Variants in PDZD8 observed in about 807,000 individuals in gnomAD.
PDZD8 encodes the protein PDZ domain containing 8.
A neutral mutation model predicts 85.8 loss-of-function variants in PDZD8; 14 were observed. The observed-to-expected ratio is 0.16, with a 90% CI of 0.11 to 0.26. PDZD8 has a LOEUF of 0.26. Among genes scored for constraint, PDZD8 ranks in the 10% least tolerant of loss-of-function variants. The pLI, the probability that PDZD8 is intolerant of heterozygous loss-of-function variation, is 1.00. For missense variants in PDZD8, 1,197 were observed against 1,424.3 expected (o/e 0.84, Z 2.57); for synonymous variants, 592 against 568.6 (o/e 1.04, Z -0.59).
Position 117,290,362 on chromosome 10 carries a change from G to GA in PDZD8, c.1099-15dup, listed in dbSNP as rs749314479. On this transcript the variant is annotated splice_polypyrimidine_tract_variant and intron_variant, in intron 3 of 4. Transcript: ENST00000334464. ...TATTAATTCAACCTTTGATAAAGGG[G>GA]AAAAAAATGAAAACTGATTCAATGG... The GA allele has an allele frequency of 8.3e-6, 13 of 1,561,282 alleles. No homozygotes were observed. The Admixed American group carries it at 2.2e-4, about 27-fold the overall frequency.
chr10:117,358,445 T>C (rs1407956606), intron 1 of PDZD8, among the ~76,000 whole-genome samples: 1 of 152,060 alleles, frequency 6.6e-6, no homozygotes, highest in Non-Finnish European at 1.5e-5. Context: ...TATAGTCATC[T>C]TTCTTTCCCC....
intron 1 of PDZD8, among the ~76,000 whole-genome samples, chr10:117,358,124 TAA>T (rs1564711887): frequency 6.6e-6 from 1 of 152,116 alleles, no homozygotes. Context: ...AAAAGTCAAA[TAA>T]AAAAGTTCCC....
Position 117,284,804 on chromosome 10 carries a change from G to A in PDZD8, c.1929C>T (p.Asp643=), listed in dbSNP as rs114820968. 1.9e-3 allele frequency: 3,139 copies of A among 1,614,196 alleles called. 9 individuals carry two copies. The highest frequency in any genetic ancestry group is 2.6e-3 in the Admixed American group (157 of 60,022). The stretch of plus-strand genomic sequence containing the variant: ...AAAATTGCTTAGGTGCAGCTGCATC[G>A]TCTATGGCATCCACATTTTTTGCTT... ...EKQAKNVDAI[D]DAAAPKQFLA... is the part of the protein sequence containing the mutation. The change falls in exon 5 of 5, where the codon GAC becomes GAT. Residue 643 remains aspartate, a synonymous_variant. Transcript: ENST00000334464.
chr10:117,374,690 C>G lies in PDZD8; in HGVS notation c.538G>C (p.Glu180Gln), dbSNP rs1589602685. 1.3e-6 allele frequency: 2 copies of G among 1,598,678 alleles called. No homozygotes were observed. The highest frequency in any genetic ancestry group is 4.5e-5 in the East Asian group (2 of 44,182). ...TCGGGGCAGGCGGCGGGCAGCGCCTCCCCTTCAGGGCCATCGGGCTCCCCG... is the reference window on the plus strand; with the variant it reads ...TCGGGGCAGGCGGCGGGCAGCGCCTGCCCTTCAGGGCCATCGGGCTCCCCG... ...ATGEPDGPEG[E>Q]ALPAACPEEL... Residue 180 changes from glutamate (E) to glutamine (Q), a missense_variant, in exon 1 of 5, where the codon GAG becomes CAG. Physicochemically the swap from Glu to Gln is conservative, Grantham distance 29. This residue lies in a region of PDZD8 where 344 missense variants were observed against 453.6 expected (regional missense o/e 0.76). Coordinates refer to ENST00000334464, the MANE Select transcript of PDZD8 (RefSeq NM_173791.5). The surrounding 1 kb of genome is among the most constrained non-coding windows in gnomAD (Gnocchi z 7.8).
chr10:117,318,163 T>C lies in PDZD8; in HGVS notation c.1098+709A>G, dbSNP rs865940143. On this transcript the variant is annotated intron_variant, in intron 3 of 4. Transcript: ENST00000334464. ...TGCTTCTACTAAAATAATTATTCAC[T>C]ATCTGAAATTCAGATTTAACTGGGT... is the stretch of plus-strand genomic sequence containing the variant. Among the ~76,000 whole-genome samples the C allele has an allele frequency of 3.9e-5, 6 of 152,354 alleles. 1 individual carries two copies. In the Middle Eastern group the frequency reaches 0.014, roughly 345 times the overall value.
At chr10:117,307,432 ACT>A (rs1843962911) in intron 3 of PDZD8, among the ~76,000 whole-genome samples, 1 of 151,884 alleles carries the variant, frequency 6.6e-6, no homozygotes, top group Non-Finnish European at 1.5e-5. Flanking sequence ...TTCTGACAAC[ACT>A]CTCAGTATTG....
In PDZD8 at chr10:117,278,126, CTTCAAGTT is replaced by C. The variant is rs1844525599; in HGVS notation, c.*5134_*5141del. On this transcript the variant is annotated 3_prime_UTR_variant, in exon 5 of 5. Coordinates refer to ENST00000334464, the MANE Select transcript of PDZD8 (RefSeq NM_173791.5). The stretch of plus-strand genomic sequence containing the variant: ...ACATGATAAGGTTAATCGCCATCTA[CTTCAAGTT>C]TTAGAAAAGGAAACAAGAAGCTGAA... 6.6e-6 allele frequency: 1 copy of C among 152,190 alleles called. No individual in the cohort carries two copies. Among genetic ancestry groups the C allele is most frequent in the Non-Finnish European group, 1.5e-5 (1 of 68,036 alleles). 9.4% of individuals were successfully genotyped at this position (152,190 alleles called of 1,614,324 possible).
intron 3 of PDZD8, among the ~76,000 whole-genome samples, chr10:117,305,219 C>T (rs573030038): frequency 1.3e-5 from 2 of 152,140 alleles, no homozygotes; most frequent in African/African-American, 4.8e-5. Flanking sequence ...TCGAAACCAG[C>T]CTGGCCAATA....
chr10:117,355,431 C>A (rs1218243627), intron 1 of PDZD8, among the ~76,000 whole-genome samples: 1 of 152,138 alleles, frequency 6.6e-6, no homozygotes, highest in Non-Finnish European at 1.5e-5. Flanking sequence ...TGCAAGATCC[C>A]CTCCTCCCAA....
intron 1 of PDZD8, among the ~76,000 whole-genome samples, chr10:117,350,755 T>A (rs572385284): frequency 6.6e-6 from 1 of 151,434 alleles, no homozygotes; most frequent in African/African-American, 2.4e-5. Flanking sequence ...TACAAAAAAA[T>A]TAGCTGGGTG....
chr10:117,303,080 G>T (rs1183585229), intron 3 of PDZD8, among the ~76,000 whole-genome samples: 1 of 152,190 alleles, frequency 6.6e-6, no homozygotes, highest in Non-Finnish European at 1.5e-5. Flanking sequence ...TGGGTAAAAG[G>T]CAGAGAGGTT....
intron 3 of PDZD8, among the ~76,000 whole-genome samples, chr10:117,300,867 C>T (rs188791232): frequency 1.4e-4 from 22 of 152,294 alleles, no homozygotes; most frequent in Admixed American, 1.2e-3. Context: ...TCTGCTGGTG[C>T]CCTGATCTTG....
At chr10:117,350,682 T>C (rs1273030567) in intron 1 of PDZD8, among the ~76,000 whole-genome samples, 1 of 151,146 alleles carries the variant, frequency 6.6e-6, no homozygotes, top group African/African-American at 2.4e-5. Flanking sequence ...GGCAGGCGGA[T>C]CACAAAGTCA....
chr10:117,291,405 T>G (rs974038448), intron 3 of PDZD8, among the ~76,000 whole-genome samples: 41 of 151,578 alleles, frequency 2.7e-4, no homozygotes, highest in Non-Finnish European at 3.4e-4. Context: ...TGGCAGTGCC[T>G]GTAGTCCCAG....
At chr10:117,310,295 T>G (rs1270485979) in intron 3 of PDZD8, among the ~76,000 whole-genome samples, 1 of 152,126 alleles carries the variant, frequency 6.6e-6, no homozygotes, top group Non-Finnish European at 1.5e-5. Context: ...TACTTCTCCC[T>G]CATTGGAACC....
intron 1 of PDZD8, among the ~76,000 whole-genome samples, chr10:117,372,118 T>C (rs1845204282): frequency 6.6e-6 from 1 of 152,238 alleles, no homozygotes; most frequent in Admixed American, 6.5e-5. Flanking sequence ...TTGAGTGATA[T>C]GCTCTGTGCA....
chr10:117,374,417 T>C lies in PDZD8; in HGVS notation c.811A>G (p.Ile271Val). The C allele has an allele frequency of 6.2e-7, 1 of 1,614,200 alleles. No homozygotes were observed. The highest frequency in any genetic ancestry group is 8.5e-7 in the Non-Finnish European group (1 of 1,180,028). The stretch of plus-strand genomic sequence containing the variant: ...ATGATCTTCTTGAGCTGGTTGACGA[T>C]GATGGAGGTGAGCTGGGGCATGGGC... Reference protein sequence around the residue: ...GRPMPQLTSIIVNQLKKIIKR... With the variant: ...GRPMPQLTSIVVNQLKKIIKR... The change falls in exon 1 of 5, where the codon ATC (isoleucine) becomes GTC (valine). Residue 271 changes from isoleucine to valine, a missense_variant. Physicochemically the swap from Ile to Val is conservative, Grantham distance 29 (BLOSUM62 3). This residue lies in a region of PDZD8 where 344 missense variants were observed against 453.6 expected (regional missense o/e 0.76). Coordinates refer to ENST00000334464, the MANE Select transcript of PDZD8 (RefSeq NM_173791.5). The surrounding 1 kb of genome is among the most constrained non-coding windows in gnomAD (Gnocchi z 7.8).
At chr10:117,310,920 T>C (rs1301992101) in intron 3 of PDZD8, among the ~76,000 whole-genome samples, 4 of 152,194 alleles carry the variant, frequency 2.6e-5, no homozygotes, top group Non-Finnish European at 5.9e-5. Context: ...AGTTTGTCTG[T>C]CTCAAATATT....
rs191009376 is a variant in PDZD8, at chr10:117,323,404, C to A, written c.996-4430G>T. Reference sequence around the variant, plus strand: ...TTTGCCTGAATATTCAGTCTACTACCGTTTGAACTACCTTTCTTCTCTGAA... The same window carrying A: ...TTTGCCTGAATATTCAGTCTACTACAGTTTGAACTACCTTTCTTCTCTGAA... On this transcript the variant is annotated intron_variant, in intron 2 of 4. Transcript: ENST00000334464. Among the ~76,000 whole-genome samples the A allele has an allele frequency of 1.0e-3, 152 of 152,270 alleles. 1 individual carries two copies. The highest frequency in any genetic ancestry group is 3.5e-3 in the African/African-American group (144 of 41,548).
Sources: allele counts gnomAD v4.1 joint callset (sites outside exome capture counted in the v4.1 genomes callset), GRCh38; gene constraint gnomAD v4.1.1; regional missense constraint gnomAD v4.1.1; non-coding constraint Gnocchi (gnomAD v3.1); transcripts MANE v1.5; gene names NCBI Gene and HGNC (gene_info 2026-07-23, HGNC 2026-07-21).